The following UBE2G1 variants were observed in gnomAD, a reference collection of about 807,000 sequenced individuals.
The protein encoded by UBE2G1 is ubiquitin-conjugating enzyme E2 G1.
In UBE2G1, 5 loss-of-function variants were observed where a neutral mutation model predicts 22.7. The observed-to-expected ratio is 0.22, with a 90% CI of 0.12 to 0.46. UBE2G1 has a LOEUF of 0.46. UBE2G1 is among the 20% of genes least tolerant of loss of function. The pLI is 0.99. For missense variants in UBE2G1, 88 were observed against 203.9 expected (o/e 0.43, Z 3.46); for synonymous variants, 74 against 67.5 (o/e 1.10, Z -0.47).
chr17:4,289,130 C>CGCAT, intron 4 of UBE2G1, 100 bp downstream of exon 4: 1 of 871,202 alleles, frequency 1.1e-6, no homozygotes, highest in Non-Finnish European at 1.6e-6. Flanking sequence ...CACACACACA[C>CGCAT]GCATGCATAC....
chr17:4,286,789 C>A (rs1416460245), intron 4 of UBE2G1, among the ~76,000 whole-genome samples: 1 of 152,118 alleles, frequency 6.6e-6, no homozygotes, highest in Non-Finnish European at 1.5e-5. Flanking sequence ...TGCCTGTAAT[C>A]CCAGCACCTC....
intron 1 of UBE2G1, among the ~76,000 whole-genome samples, chr17:4,326,944 C>T (rs1969509612): frequency 6.6e-6 from 1 of 152,136 alleles, no homozygotes; most frequent in Non-Finnish European, 1.5e-5. Context: ...GGCAGATCAC[C>T]TGAGGTCAGG....
rs1012487522 is a variant in UBE2G1, at chr17:4,271,264, A to G, written c.*1290T>C. On this transcript the variant is annotated 3_prime_UTR_variant, in exon 6 of 6. Transcript: ENST00000396981. ...ACCCCTGTAATGCTTTTAGATTCACAGAAGAATCTAGATAGAACCAAATAC... is the reference window on the plus strand; with the variant it reads ...ACCCCTGTAATGCTTTTAGATTCACGGAAGAATCTAGATAGAACCAAATAC... 2 of 152,684 alleles carry G rather than the reference A, an allele frequency of 1.3e-5. No individual in the cohort carries two copies. Among genetic ancestry groups the G allele is most frequent in the African/African-American group, 4.8e-5 (2 of 41,474 alleles). 9.5% of individuals were successfully genotyped at this position (152,684 alleles called of 1,614,324 possible).
chr17:4,296,951 G>T, intron 2 of UBE2G1, 137 bp from the exon 3 acceptor site: 2 of 696,202 alleles, frequency 2.9e-6, no homozygotes, highest in South Asian at 3.6e-5. Flanking sequence ...ATTCCCACAG[G>T]CAGTTACTTT....
intron 4 of UBE2G1, 122 bp downstream of exon 4, chr17:4,289,106 TAC>T (rs71144179): frequency 0.012 from 5,933 of 511,290 alleles, 3 homozygotes; most frequent in Non-Finnish European, 0.015. Context: ...TGGGAAGAGA[TAC>T]ACACACACAC....
At chr17:4,319,600 C>T (rs957490319) in intron 1 of UBE2G1, among the ~76,000 whole-genome samples, 3 of 152,038 alleles carry the variant, frequency 2.0e-5, no homozygotes, top group South Asian at 4.2e-4. Flanking sequence ...CTGGACATGG[C>T]GGCAAGCGCC....
Position 4,273,404 on chromosome 17 carries a change from G to C in UBE2G1, c.*38-888C>G, listed in dbSNP as rs113247029. ...ACTCTGTCCCTCATGCTGGAGTGTA[G>C]TGGCATGAACATGGCTCACTGCAGC... On this transcript the variant is annotated intron_variant, in intron 5 of 5. Transcript: ENST00000396981. Among the ~76,000 whole-genome samples the C allele has an allele frequency of 8.6e-3, 1,311 of 152,276 alleles. 25 individuals are homozygous for C. The highest frequency in any genetic ancestry group is 0.03 in the African/African-American group (1,245 of 41,564).
intron 1 of UBE2G1, among the ~76,000 whole-genome samples, chr17:4,334,204 G>C (rs1206800864): frequency 2.6e-5 from 4 of 151,624 alleles, no homozygotes; most frequent in Admixed American, 2.0e-4. Flanking sequence ...TGGGATTACA[G>C]GCATAAGCCA....
intron 1 of UBE2G1, among the ~76,000 whole-genome samples, chr17:4,314,323 G>A (rs917225739): frequency 2.6e-5 from 4 of 152,214 alleles, no homozygotes; most frequent in African/African-American, 9.6e-5. Flanking sequence ...GAGCCAGCTT[G>A]AAGAGGCCTC....
chr17:4,311,085 GCA>G (rs1969305270), intron 1 of UBE2G1, among the ~76,000 whole-genome samples: 1 of 152,040 alleles, frequency 6.6e-6, no homozygotes, highest in East Asian at 1.9e-4. Context: ...AATTAGCCAG[GCA>G]CAGTGATGTG....
At chr17:4,315,838 G>A (rs1483373302) in intron 1 of UBE2G1, among the ~76,000 whole-genome samples, 6 of 121,854 alleles carry the variant, frequency 4.9e-5, no homozygotes, top group Non-Finnish European at 8.2e-5. Context: ...ACGGAGTCTC[G>A]CTCTGTAGCC....
intron 1 of UBE2G1, among the ~76,000 whole-genome samples, chr17:4,333,967 T>C (rs989805823): frequency 7.3e-6 from 1 of 137,410 alleles, no homozygotes; most frequent in African/African-American, 3.2e-5. Context: ...ATCACCTTCA[T>C]TTCCTCAGAA....
chr17:4,284,890 G>C (rs1968944204), intron 4 of UBE2G1, among the ~76,000 whole-genome samples: 3 of 134,216 alleles, frequency 2.2e-5, no homozygotes, highest in Admixed American at 8.6e-5. Flanking sequence ...TGTTGCCTGG[G>C]CTGAAGTGCA....
intron 5 of UBE2G1, among the ~76,000 whole-genome samples, chr17:4,278,964 G>A (rs1244153324): frequency 6.6e-6 from 1 of 152,042 alleles, no homozygotes; most frequent in East Asian, 1.9e-4. Context: ...AGATAAACAA[G>A]CCAACCATTG....
chr17:4,322,388 A>C (rs2143762251), intron 1 of UBE2G1, among the ~76,000 whole-genome samples: 1 of 152,292 alleles, frequency 6.6e-6, no homozygotes, highest in African/African-American at 2.4e-5. Context: ...TCATGCCTTG[A>C]ACTCCTCCTC....
At chr17:4,283,716 A>G (rs28580153) in intron 4 of UBE2G1, among the ~76,000 whole-genome samples, 87,098 of 151,906 alleles carry the variant, frequency 0.57, 27,138 homozygotes, top group East Asian at 0.82. Context: ...CAGTGGGGTA[A>G]TGAAGGGAGG....
chr17:4,329,571 T>G (rs758693049), intron 1 of UBE2G1, among the ~76,000 whole-genome samples: 67 of 151,768 alleles, frequency 4.4e-4, no homozygotes, highest in Middle Eastern at 3.4e-3. Context: ...AAAAAGAGAC[T>G]GAGACTCTTC....
chr17:4,342,062 G>A (rs1157924976), intron 1 of UBE2G1, among the ~76,000 whole-genome samples: 2 of 152,142 alleles, frequency 1.3e-5, no homozygotes, highest in African/African-American at 2.4e-5. Context: ...CAATCCATAT[G>A]CTAACAATTT....
chr17:4,292,075 C>T (rs1269959630), intron 3 of UBE2G1, among the ~76,000 whole-genome samples: 1 of 152,044 alleles, frequency 6.6e-6, no homozygotes, highest in African/African-American at 2.4e-5. Flanking sequence ...GTATGGCTGG[C>T]CTGTAATCCC....
Sources: gnomAD v4.1 joint callset for allele counts (sites outside exome capture counted in the v4.1 genomes callset) on GRCh38, gnomAD v4.1.1 for gene constraint, MANE v1.5 for transcripts, NCBI Gene and HGNC (gene_info 2026-07-23, HGNC 2026-07-21) for gene names.